The following PRSS23 variants were observed in gnomAD, a reference collection of about 807,000 sequenced individuals.
PRSS23 encodes serine protease 23, also known as protease, serine 23.
PRSS23 carries 25 observed loss-of-function variants against 34.7 expected under a neutral mutation model. The ratio of observed to expected loss-of-function variants is 0.72; its 90% confidence interval spans 0.53 to 1.01. The LOEUF (loss-of-function observed/expected upper bound fraction) is 1.01, where lower values mean the gene tolerates loss of function less well. Among genes scored for constraint, PRSS23 ranks in the 50% least tolerant of loss-of-function variants. The probability of loss-of-function intolerance (pLI) is 0.00; values close to 1 mark genes in which losing one functional copy is unlikely to be tolerated. For synonymous variants in PRSS23, 176 were observed against 186.6 expected, an observed-to-expected ratio of 0.94 and a Z score of 0.46; for missense variants, 445 against 475.6, an observed-to-expected ratio of 0.94 and a Z score of 0.60.
chr11:86,875,371 C>CA (rs1383092667), intron 2 of PRSS23, among the ~76,000 whole-genome samples: 6 of 151,980 alleles, frequency 3.9e-5, no homozygotes, highest in African/African-American at 1.2e-4. Context: ...AACTCTGTCT[C>CA]AAAAATATAT....
At chr11:86,889,603 G>A (rs1348231028) in intron 2 of PRSS23, among the ~76,000 whole-genome samples, 3 of 152,150 alleles carry the variant, frequency 2.0e-5, no homozygotes, top group Non-Finnish European at 2.9e-5. Context: ...CAGAGCCTTC[G>A]TGGCCTAATC....
chr11:86,922,161 T>C (rs1267639949), intron 2 of PRSS23: 1 of 152,220 alleles, frequency 6.6e-6, no homozygotes, highest in Admixed American at 6.5e-5. Flanking sequence ...ACTTTGGGAA[T>C]GTTTATAAAT....
upstream of PRSS23, chr11:86,800,230 G>A (rs938389018): frequency 6.4e-6 from 1 of 155,940 alleles, no homozygotes; most frequent in African/African-American, 2.4e-5. Context: ...GTGTTCAAAG[G>A]GTGACGGCGC....
At chr11:86,799,240 G>C (rs188184143), upstream of PRSS23, among the ~76,000 whole-genome samples, 29 of 152,210 alleles carry the variant, frequency 1.9e-4, no homozygotes, top group East Asian at 5.2e-3. Flanking sequence ...GGGAGTACTT[G>C]TCTTGAAAAT....
chr11:86,871,989 G>A (rs192688054), intron 2 of PRSS23, among the ~76,000 whole-genome samples: 2 of 152,304 alleles, frequency 1.3e-5, no homozygotes, highest in South Asian at 2.1e-4. Context: ...TATCTCAAAT[G>A]GCATAATAGT....
chr11:86,833,405 C>A, intron 2 of PRSS23: 1 of 629,620 alleles, frequency 1.6e-6, no homozygotes, highest in East Asian at 3.5e-5. Context: ...TTTGGATCCT[C>A]TGAGAGTTCT....
intron 1 of PRSS23, among the ~76,000 whole-genome samples, chr11:86,800,929 A>G (rs1454476448): frequency 6.6e-6 from 1 of 151,838 alleles, no homozygotes; most frequent in African/African-American, 2.4e-5. Context: ...TGGGTGCAGG[A>G]TGTTGGTTGG....
chr11:86,950,726 T>C (rs539487296), intron 2 of PRSS23: 1 of 247,744 alleles, frequency 4.0e-6, no homozygotes, highest in Admixed American at 5.1e-5. Flanking sequence ...AAGACCCAGT[T>C]AGTATTTAAA....
intron 2 of PRSS23, among the ~76,000 whole-genome samples, chr11:86,886,707 G>C (rs1054183276): frequency 6.6e-6 from 1 of 152,178 alleles, no homozygotes; most frequent in African/African-American, 2.4e-5. Flanking sequence ...GGGAGGCCGA[G>C]GTGGGCAGAT....
Position 86,808,951 on chromosome 11 carries a change from G to T in PRSS23, c.*156G>T. 2 of 646,676 alleles carry T rather than the reference G, an allele frequency of 3.1e-6. No individual in the cohort carries two copies. The highest frequency in any genetic ancestry group is 5.2e-6 in the Non-Finnish European group (2 of 383,974). 40.1% of individuals were successfully genotyped at this position (646,676 alleles called of 1,614,324 possible). On this transcript the variant is annotated 3_prime_UTR_variant, in exon 2 of 2. Coordinates refer to ENST00000280258, the MANE Select transcript of PRSS23 (RefSeq NM_007173.6). ...TTTTACCTATTTCTTACAATTGCAA[G>T]ATGACTGGCTTTACTATTTGAAAAC...
At chr11:86,854,499 A>G (rs1200887394) in intron 2 of PRSS23, among the ~76,000 whole-genome samples, 2 of 152,224 alleles carry the variant, frequency 1.3e-5, no homozygotes, top group African/African-American at 4.8e-5. Flanking sequence ...TTGATGCACA[A>G]AAGTGTTTGT....
At chr11:86,917,225 A>G (rs868551844) in intron 2 of PRSS23, among the ~76,000 whole-genome samples, 6 of 152,196 alleles carry the variant, frequency 3.9e-5, no homozygotes, top group African/African-American at 1.4e-4. Context: ...AGACTGAGGT[A>G]GGAGAATCGC....
chr11:86,849,373 A>G (rs920476105), intron 2 of PRSS23, among the ~76,000 whole-genome samples: 1 of 152,200 alleles, frequency 6.6e-6, no homozygotes, highest in Non-Finnish European at 1.5e-5. Context: ...ACAAAGCTGG[A>G]GCTATTATCT....
chr11:86,866,990 C>T (rs911289540), intron 2 of PRSS23, among the ~76,000 whole-genome samples: 1 of 152,180 alleles, frequency 6.6e-6, no homozygotes, highest in African/African-American at 2.4e-5. Flanking sequence ...TATAAATCAC[C>T]CAGCTTCAGG....
intron 2 of PRSS23, among the ~76,000 whole-genome samples, chr11:86,939,393 T>TAAAAAAAAAAAAAA (rs778076028): frequency 7.1e-5 from 6 of 83,920 alleles, no homozygotes; most frequent in African/African-American, 2.1e-4. Flanking sequence ...ATTTCTCAGT[T>TAAAAAAAAAAAAAA]AAAAAAAAAA....
At chr11:86,830,453 C>T (rs1308619600) in intron 2 of PRSS23, among the ~76,000 whole-genome samples, 2 of 152,208 alleles carry the variant, frequency 1.3e-5, no homozygotes, top group Non-Finnish European at 2.9e-5. Context: ...CCAAGTGAGG[C>T]AGTGCCTCGC....
chr11:86,808,381 T>G lies in PRSS23; in HGVS notation c.738T>G (p.Asp246Glu). ...CCAATGACATCGGCATGGATTATGATTATGCCCTCCTGGAACTCAAAAAGC... is the reference window on the plus strand; with the variant it reads ...CCAATGACATCGGCATGGATTATGAGTATGCCCTCCTGGAACTCAAAAAGC... ...GNANDIGMDY[D>E]YALLELKKPH... is the part of the protein sequence containing the mutation. The change falls in exon 2 of 2, where the codon GAT (aspartate) becomes GAG (glutamate). Residue 246 changes from aspartate to glutamate, a missense_variant. Physicochemically the swap from Asp to Glu is conservative, Grantham distance 45. Coordinates refer to ENST00000280258, the MANE Select transcript of PRSS23 (RefSeq NM_007173.6). The G allele has an allele frequency of 1.9e-6, 3 of 1,614,196 alleles. No individual in the cohort carries two copies. The highest frequency in any genetic ancestry group is 2.5e-6 in the Non-Finnish European group (3 of 1,180,046).
chr11:86,944,977 C>T (rs1211469611), intron 2 of PRSS23, among the ~76,000 whole-genome samples: 1 of 152,150 alleles, frequency 6.6e-6, no homozygotes, highest in African/African-American at 2.4e-5. Flanking sequence ...ACATCTGGGA[C>T]ATCAGCAGAC....
chr11:86,909,027 A>C (rs978195117), intron 2 of PRSS23: 6 of 151,426 alleles, frequency 4.0e-5, no homozygotes, highest in Non-Finnish European at 8.8e-5. Context: ...TTTGGTCTTC[A>C]AGCCATCTAC....
Sources: allele counts gnomAD v4.1 joint callset (sites outside exome capture counted in the v4.1 genomes callset), GRCh38; gene constraint gnomAD v4.1.1; transcripts MANE v1.5; gene names NCBI Gene and HGNC (gene_info 2026-07-23, HGNC 2026-07-21).